The following CD1B variants were observed in gnomAD, a reference collection of about 807,000 sequenced individuals.
CD1B encodes T-cell surface glycoprotein CD1b.
CD1B carries 43 observed loss-of-function variants against 39.8 expected under a neutral mutation model. The observed-to-expected ratio is 1.08, with a 90% CI of 0.85 to 1.39. The LOEUF is 1.39. Among genes scored for constraint, CD1B ranks in the 40% most tolerant of loss-of-function variants. The pLI, the probability that CD1B is intolerant of heterozygous loss-of-function variation, is 0.00. For synonymous variants in CD1B, 192 were observed against 152.5 expected, an observed-to-expected ratio of 1.26 and a Z score of -1.91; for missense variants, 495 against 403.8, an observed-to-expected ratio of 1.23 and a Z score of -1.94.
chr1:158,290,257 C>T, the CD1B span: 7 of 722,238 alleles, frequency 9.7e-6, no homozygotes, highest in Admixed American at 2.4e-5. Context: ...CCAGTTTACT[C>T]TTTTGGAGGA....
chr1:158,331,260 A>C (rs1652591690), intron 1 of CD1B, 103 bp downstream of exon 1: 1 of 1,199,374 alleles, frequency 8.3e-7, no homozygotes, highest in African/African-American at 1.5e-5. Context: ...GGAGACAGAA[A>C]GACCCAGACC....
chr1:158,308,895 C>T, the CD1B span, among the ~76,000 whole-genome samples: 5 of 152,300 alleles, frequency 3.3e-5, no homozygotes, highest in Admixed American at 3.3e-4. Context: ...AAAACCTAGG[C>T]AATACCATTC....
At chr1:158,316,725 T>C in the CD1B span, among the ~76,000 whole-genome samples, 1 of 151,430 alleles carries the variant, frequency 6.6e-6, no homozygotes, top group East Asian at 1.9e-4. Flanking sequence ...AGGGCATCCT[T>C]GTCTTGTGCC....
Position 158,328,136 on chromosome 1 carries a change from A to T in CD1B, c.*100T>A. ...ATACATGAAAACTCTGATTTCATCA[A>T]ATTTGAAAATCATTTGAAATATGAT... is the stretch of plus-strand genomic sequence containing the variant. On this transcript the variant is annotated 3_prime_UTR_variant, in exon 6 of 6. Coordinates refer to ENST00000368168, the MANE Select transcript of CD1B (RefSeq NM_001764.3). The T allele has an allele frequency of 2.2e-6, 2 of 927,928 alleles. No individual in the cohort carries two copies. Among genetic ancestry groups the T allele is most frequent in the Non-Finnish European group, 1.7e-6 (1 of 587,664 alleles). 57.5% of individuals were successfully genotyped at this position (927,928 alleles called of 1,614,324 possible).
the CD1B span, among the ~76,000 whole-genome samples, chr1:158,312,981 G>A: frequency 3.3e-5 from 5 of 151,902 alleles, no homozygotes; most frequent in Non-Finnish European, 7.4e-5. Flanking sequence ...ATTAGCTGTG[G>A]GTTTCTCATA....
chr1:158,329,321 TGAA>T (rs1411040344), intron 4 of CD1B, 46 bp downstream of exon 4: 25 of 1,578,064 alleles, frequency 1.6e-5, no homozygotes, highest in Non-Finnish European at 2.1e-5. Context: ...CCTCTATGCC[TGAA>T]GATCACTTCC....
chr1:158,298,719 G>A, the CD1B span, among the ~76,000 whole-genome samples: 4 of 152,158 alleles, frequency 2.6e-5, no homozygotes, highest in Non-Finnish European at 5.9e-5. Context: ...TCTCCTTGAA[G>A]AGGTCCTTCA....
chr1:158,328,535 G>T (rs1448022915), intron 5 of CD1B, among the ~76,000 whole-genome samples: 1 of 152,142 alleles, frequency 6.6e-6, no homozygotes, highest in Admixed American at 6.5e-5. Flanking sequence ...AAGGTACCTA[G>T]AATAGTAGAA....
the CD1B span, among the ~76,000 whole-genome samples, chr1:158,286,716 A>G: frequency 6.6e-6 from 1 of 152,150 alleles, no homozygotes; most frequent in East Asian, 1.9e-4. Context: ...AGCAAAGGAG[A>G]GGGAAGTTTT....
chr1:158,293,307 GTT>G, the CD1B span: 18 of 1,611,550 alleles, frequency 1.1e-5, no homozygotes, highest in Non-Finnish European at 1.4e-5. Context: ...GCACTGGTGA[GTT>G]TTTTGTATTT....
At chr1:158,288,895 G>A in the CD1B span, among the ~76,000 whole-genome samples, 1 of 152,184 alleles carries the variant, frequency 6.6e-6, no homozygotes, top group African/African-American at 2.4e-5. Flanking sequence ...ATTGACAAAT[G>A]CTGCCCTTTT....
chr1:158,325,001 T>C (rs1046478557), downstream of CD1B, among the ~76,000 whole-genome samples: 57 of 152,216 alleles, frequency 3.7e-4, no homozygotes, highest in African/African-American at 1.3e-3. Flanking sequence ...AAAAAAATAT[T>C]GATCACTTGT....
At chr1:158,288,675 G>T in the CD1B span, among the ~76,000 whole-genome samples, 1 of 152,238 alleles carries the variant, frequency 6.6e-6, no homozygotes, top group Non-Finnish European at 1.5e-5. Flanking sequence ...TTACAGGCAT[G>T]AGTCATTGTG....
chr1:158,321,018 G>T, the CD1B span, among the ~76,000 whole-genome samples: 1 of 152,106 alleles, frequency 6.6e-6, no homozygotes, highest in African/African-American at 2.4e-5. Flanking sequence ...CATCTGTTAG[G>T]TTCATTTGGT....
chr1:158,327,736 G>A (rs1652407114), downstream of CD1B, among the ~76,000 whole-genome samples: 1 of 152,198 alleles, frequency 6.6e-6, no homozygotes, highest in Non-Finnish European at 1.5e-5. Flanking sequence ...ATAGCACTAG[G>A]AAAGTCTTCC....
the CD1B span, among the ~76,000 whole-genome samples, chr1:158,311,058 A>G: frequency 6.6e-6 from 1 of 152,202 alleles, no homozygotes; most frequent in Non-Finnish European, 1.5e-5. Flanking sequence ...ACCTAAAATA[A>G]GAGGTGGAAA....
chr1:158,308,670 A>G, the CD1B span, among the ~76,000 whole-genome samples: 1 of 152,246 alleles, frequency 6.6e-6, no homozygotes, highest in Non-Finnish European at 1.5e-5. Context: ...CCTCAGAAAT[A>G]ACGCCACATA....
the CD1B span, among the ~76,000 whole-genome samples, chr1:158,287,990 A>G: frequency 6.6e-6 from 1 of 152,240 alleles, no homozygotes; most frequent in Non-Finnish European, 1.5e-5. Flanking sequence ...CCCAGAACTC[A>G]GTCCATGACC....
At chr1:158,330,393 A>G in intron 2 of CD1B, 1 of 571,722 alleles carries the variant, frequency 1.7e-6, no homozygotes, top group Non-Finnish European at 3.1e-6. Context: ...TGCAGTCAGG[A>G]GTGCAGCATT....
Sources: gnomAD v4.1 joint callset for allele counts (sites outside exome capture counted in the v4.1 genomes callset) on GRCh38, gnomAD v4.1.1 for gene constraint, MANE v1.5 for transcripts, NCBI Gene and HGNC (gene_info 2026-07-23, HGNC 2026-07-21) for gene names.